The following PINX1 variants were observed in gnomAD, a reference collection of about 807,000 sequenced individuals.
PINX1 encodes the protein PIN2/TERF1-interacting telomerase inhibitor 1.
In PINX1, 34 loss-of-function variants were observed where a neutral mutation model predicts 25.4. The observed-to-expected ratio is 1.34, with a 90% confidence interval of 1.02 to 1.78. PINX1 has a LOEUF of 1.78. Ranked by LOEUF, PINX1 falls within the 40% of genes most tolerant of loss-of-function variation. PINX1 has a pLI of 0.00. For missense variants in PINX1, 592 were observed against 404.9 expected (o/e 1.46, Z -3.97); for synonymous variants, 197 against 147.7 (o/e 1.33, Z -2.42).
chr8:10,831,807 T>A, intron 3 of PINX1, 64 bp from the exon 4 acceptor site: 1 of 890,326 alleles, frequency 1.1e-6, no homozygotes, highest in South Asian at 1.5e-5. Context: ...ACTGAGATGA[T>A]ACATTTTGGA....
chr8:10,825,722 A>T (rs1267191615), intron 5 of PINX1, among the ~76,000 whole-genome samples: 1 of 152,224 alleles, frequency 6.6e-6, no homozygotes, highest in East Asian at 1.9e-4. Flanking sequence ...ATCACACTGG[A>T]GGTATCAATA....
chr8:10,768,770 G>A (rs12682565), intron 6 of PINX1, among the ~76,000 whole-genome samples: 8,267 of 152,232 alleles, frequency 0.054, 585 homozygotes, highest in East Asian at 0.3. Context: ...CACCAAAGTC[G>A]GAGACTCAGT....
chr8:10,813,943 C>A (rs1024752289), intron 6 of PINX1, among the ~76,000 whole-genome samples: 2 of 151,882 alleles, frequency 1.3e-5, no homozygotes, highest in Admixed American at 6.6e-5. Context: ...GAAGTTCAAC[C>A]AGATAGGAAC....
At chr8:10,827,897 C>G (rs1364669814) in intron 4 of PINX1, among the ~76,000 whole-genome samples, 2 of 130,520 alleles carry the variant, frequency 1.5e-5, no homozygotes, top group Non-Finnish European at 3.1e-5. Context: ...GGTGACAGAG[C>G]GAGACTCCAT....
intron 6 of PINX1, among the ~76,000 whole-genome samples, chr8:10,792,082 T>A (rs1268911850): frequency 6.6e-6 from 1 of 152,196 alleles, no homozygotes; most frequent in Non-Finnish European, 1.5e-5. Flanking sequence ...TACGATCAGC[T>A]ATTGGAGTCT....
At chr8:10,813,849 C>T (rs934878327) in intron 6 of PINX1, among the ~76,000 whole-genome samples, 1 of 149,914 alleles carries the variant, frequency 6.7e-6, no homozygotes, top group Admixed American at 6.7e-5. Context: ...AAGGCTCAAT[C>T]CGGAAACAAG....
intron 5 of PINX1, among the ~76,000 whole-genome samples, chr8:10,820,561 C>G (rs990484837): frequency 1.3e-5 from 2 of 152,168 alleles, no homozygotes; most frequent in South Asian, 4.1e-4. Flanking sequence ...CTACAGCTCA[C>G]CCTACTCCCG....
At chr8:10,825,476 T>C (rs1586201072) in intron 5 of PINX1, 1 of 534,398 alleles carries the variant, frequency 1.9e-6, no homozygotes, top group South Asian at 1.4e-5. Flanking sequence ...TTGGTTCTAT[T>C]AGGTTAAATT....
intron 6 of PINX1, among the ~76,000 whole-genome samples, chr8:10,804,274 G>A (rs1013624500): frequency 2.0e-5 from 3 of 152,200 alleles, no homozygotes; most frequent in Non-Finnish European, 4.4e-5. Context: ...CATCACCAGA[G>A]CCTAGAACAG....
chr8:10,787,285 G>A (rs1448842302), intron 6 of PINX1, among the ~76,000 whole-genome samples: 2 of 151,944 alleles, frequency 1.3e-5, no homozygotes, highest in East Asian at 3.9e-4. Flanking sequence ...GGAGAGCAGT[G>A]GCGCAAACAC....
chr8:10,786,017 A>G (rs1316461917), intron 6 of PINX1, among the ~76,000 whole-genome samples: 1 of 152,230 alleles, frequency 6.6e-6, no homozygotes, highest in Non-Finnish European at 1.5e-5. Flanking sequence ...GAGCTAGACC[A>G]CGGTGAGTAA....
chr8:10,826,036 C>A, intron 5 of PINX1, 116 bp downstream of exon 5: 1 of 603,886 alleles, frequency 1.7e-6, no homozygotes. Flanking sequence ...CACAGCAATG[C>A]AGTCGGAGCT....
intron 6 of PINX1, among the ~76,000 whole-genome samples, chr8:10,775,417 T>TTTG (rs1563203250): frequency 2.1e-5 from 3 of 146,152 alleles, no homozygotes; most frequent in African/African-American, 5.0e-5. Context: ...GTGGTTTTTT[T>TTTG]TTTTTTTTTT....
intron 6 of PINX1, among the ~76,000 whole-genome samples, chr8:10,773,141 G>A (rs1049026708): frequency 2.0e-5 from 3 of 152,070 alleles, no homozygotes; most frequent in South Asian, 2.1e-4. Flanking sequence ...TTATAAAATC[G>A]GCTCTGTGAC....
At chr8:10,776,302 G>A (rs1801391946) in intron 6 of PINX1, among the ~76,000 whole-genome samples, 1 of 152,026 alleles carries the variant, frequency 6.6e-6, no homozygotes, top group African/African-American at 2.4e-5. Flanking sequence ...GGTGCAGCCT[G>A]TAATCCCAGC....
intron 6 of PINX1, among the ~76,000 whole-genome samples, chr8:10,788,598 T>A (rs1801825467): frequency 6.6e-6 from 1 of 151,928 alleles, no homozygotes; most frequent in Admixed American, 6.6e-5. Context: ...TGAATGTATA[T>A]CTATTGGTAT....
rs766471547 is a variant in PINX1 at position 10,826,237 on chromosome 8, C to T, written c.309G>A (p.Ser103=). ...TCHGQETTDS[S]DKKEKKSFSL... Reference sequence around the variant, plus strand: ...TAAAAGATTTCTTTTCCTTCTTGTCCGAGGAATCTTTAAAAAAGATGAAAA... The same window carrying T: ...TAAAAGATTTCTTTTCCTTCTTGTCTGAGGAATCTTTAAAAAAGATGAAAA... Residue 103 remains serine, a synonymous_variant, in exon 5 of 7, where the codon TCG becomes TCA. Coordinates refer to ENST00000314787, the MANE Select transcript of PINX1 (RefSeq NM_017884.6). 20 of 1,554,310 alleles carry T rather than the reference C, an allele frequency of 1.3e-5. No individual in the cohort carries two copies. In the East Asian group the frequency reaches 2.3e-4, roughly 17 times the overall value.
chr8:10,780,954 T>A (rs748478206), intron 6 of PINX1, among the ~76,000 whole-genome samples: 3 of 152,180 alleles, frequency 2.0e-5, no homozygotes, highest in African/African-American at 4.8e-5. Context: ...TGTAAAATTA[T>A]ATTACAAGCT....
chr8:10,780,041 A>G (rs1801534280), intron 6 of PINX1, among the ~76,000 whole-genome samples: 1 of 152,216 alleles, frequency 6.6e-6, no homozygotes, highest in South Asian at 2.1e-4. Context: ...CTGTGTATAG[A>G]GATACCAGAG....
Sources: allele counts gnomAD v4.1 joint callset (sites outside exome capture counted in the v4.1 genomes callset), GRCh38; gene constraint gnomAD v4.1.1; transcripts MANE v1.5; gene names NCBI Gene and HGNC (gene_info 2026-07-23, HGNC 2026-07-21).